GALNT17: variants seen among roughly 807,000 people sequenced by gnomAD.
The protein encoded by GALNT17 is UDP-GalNAc:polypeptide N-acetylgalactosaminyltransferase-like 3.
A neutral mutation model predicts 63.7 loss-of-function variants in GALNT17; 29 were observed. That is an observed-to-expected ratio of 0.46 (90% CI 0.34 to 0.62). The LOEUF (loss-of-function observed/expected upper bound fraction) is 0.62, where lower values mean the gene tolerates loss of function less well. Ranked by LOEUF, GALNT17 falls within the 20% of genes least tolerant of loss-of-function variation. The probability of loss-of-function intolerance (pLI) is 0.01; values close to 1 mark genes in which losing one functional copy is unlikely to be tolerated. For synonymous variants in GALNT17, 305 were observed against 318.3 expected (o/e 0.96, Z 0.45); for missense variants, 603 against 799.6 (o/e 0.75, Z 2.97).
intron 1 of GALNT17, among the ~76,000 whole-genome samples, chr7:71,279,170 G>C (rs796439869): frequency 6.6e-6 from 1 of 151,672 alleles, no homozygotes; most frequent in Non-Finnish European, 1.5e-5. Context: ...TGATCTGCCC[G>C]CCTTGGCCTC....
intron 7 of GALNT17, among the ~76,000 whole-genome samples, chr7:71,667,806 T>TC (rs1554321614): frequency 7.0e-5 from 2 of 28,410 alleles, no homozygotes; most frequent in Non-Finnish European, 1.3e-4. Flanking sequence ...TAAAGGGGAA[T>TC]TTTTTTTTTT....
At position 71,389,165 on chromosome 7, in the gene GALNT17, G is replaced by A. The variant is rs575184585; in HGVS notation, c.589+764G>A. On this transcript the variant is annotated intron_variant, in intron 3 of 10. Transcript: ENST00000333538. The stretch of plus-strand genomic sequence containing the variant: ...CTTTTTTTTTTTGAGATGGAGTCTC[G>A]CTCCATCACCCAGGCTGGAGTGCAG... 3.3e-5 allele frequency among the ~76,000 whole-genome samples: 5 copies of A among 151,280 alleles called. No homozygotes were observed. The South Asian group carries it at 6.3e-4, about 19-fold the overall frequency.
intron 2 of GALNT17, among the ~76,000 whole-genome samples, chr7:71,387,188 T>G (rs1792960681): frequency 6.7e-6 from 1 of 150,024 alleles, no homozygotes; most frequent in Non-Finnish European, 1.5e-5. Context: ...GTATTTGTAT[T>G]AGGTTGGTGC....
intron 5 of GALNT17, among the ~76,000 whole-genome samples, chr7:71,441,168 G>A (rs947713141): frequency 6.6e-6 from 1 of 151,860 alleles, no homozygotes; most frequent in African/African-American, 2.4e-5. Flanking sequence ...GACTATAGGC[G>A]CCCGCCACCA....
At chr7:71,504,329 A>G (rs1327144327) in intron 5 of GALNT17, among the ~76,000 whole-genome samples, 3 of 151,736 alleles carry the variant, frequency 2.0e-5, no homozygotes, top group Non-Finnish European at 1.5e-5. Context: ...TGGGTTGCGG[A>G]GGTTGCAGTG....
intron 5 of GALNT17, among the ~76,000 whole-genome samples, chr7:71,458,401 T>C (rs1030604260): frequency 6.6e-6 from 1 of 152,178 alleles, no homozygotes; most frequent in Non-Finnish European, 1.5e-5. Context: ...GCTTTTGGGC[T>C]GCAGCCCCAC....
chr7:71,524,686 G>A (rs1788595518), intron 5 of GALNT17, among the ~76,000 whole-genome samples: 1 of 152,140 alleles, frequency 6.6e-6, no homozygotes, highest in Admixed American at 6.5e-5. Flanking sequence ...ACTTACTGTA[G>A]GTCTCTGATT....
chr7:71,586,263 A>G (rs761485583), intron 6 of GALNT17, among the ~76,000 whole-genome samples: 9 of 152,336 alleles, frequency 5.9e-5, no homozygotes, highest in Middle Eastern at 3.4e-3. Context: ...CATAAATGGA[A>G]TCACATCTTA....
At chr7:71,493,676 C>T (rs2116679836) in intron 5 of GALNT17, among the ~76,000 whole-genome samples, 1 of 152,284 alleles carries the variant, frequency 6.6e-6, no homozygotes, top group African/African-American at 2.4e-5. Flanking sequence ...CCTCCCACAA[C>T]ATGTGAGAAT....
chr7:71,461,404 T>C (rs1787448081), intron 5 of GALNT17, among the ~76,000 whole-genome samples: 1 of 152,216 alleles, frequency 6.6e-6, no homozygotes, highest in South Asian at 2.1e-4. Context: ...TACTGTACTT[T>C]GTTCTCATTA....
intron 6 of GALNT17, among the ~76,000 whole-genome samples, chr7:71,628,821 A>G (rs1231809264): frequency 6.6e-6 from 1 of 151,982 alleles, no homozygotes; most frequent in Non-Finnish European, 1.5e-5. Flanking sequence ...AATCCCAGCT[A>G]CTCAGGAGGC....
At chr7:71,656,848 C>T (rs1276627171) in intron 6 of GALNT17, among the ~76,000 whole-genome samples, 1 of 152,072 alleles carries the variant, frequency 6.6e-6, no homozygotes. Flanking sequence ...TGACGGAGGT[C>T]GTGGGGAGAG....
At chr7:71,589,441 G>A (rs1584073262) in intron 6 of GALNT17, among the ~76,000 whole-genome samples, 3 of 152,072 alleles carry the variant, frequency 2.0e-5, no homozygotes, top group African/African-American at 7.2e-5. Flanking sequence ...GCATGGTGGT[G>A]TGCCCTTGTA....
intron 1 of GALNT17, among the ~76,000 whole-genome samples, chr7:71,289,803 G>C (rs1277623065): frequency 6.6e-6 from 1 of 151,888 alleles, no homozygotes; most frequent in Non-Finnish European, 1.5e-5. Context: ...TGCTTGAAAG[G>C]GGGAGGCGGA....
intron 1 of GALNT17, among the ~76,000 whole-genome samples, chr7:71,210,848 A>G (rs891823932): frequency 2.0e-5 from 3 of 152,224 alleles, no homozygotes; most frequent in Non-Finnish European, 4.4e-5. Flanking sequence ...GGTGATGGAC[A>G]TGTAGTACAT....
intron 6 of GALNT17, among the ~76,000 whole-genome samples, chr7:71,622,537 C>G (rs562491618): frequency 6.6e-6 from 1 of 152,100 alleles, no homozygotes; most frequent in East Asian, 1.9e-4. Context: ...TTGAATGCAT[C>G]AACTGTCTTG....
intron 1 of GALNT17, among the ~76,000 whole-genome samples, chr7:71,285,720 A>G (rs1018053915): frequency 6.6e-6 from 1 of 151,908 alleles, no homozygotes; most frequent in African/African-American, 2.4e-5. Flanking sequence ...GACAGTATCT[A>G]TGAACCAGGA....
At chr7:71,171,816 A>C (rs1788552060) in intron 1 of GALNT17, among the ~76,000 whole-genome samples, 1 of 152,244 alleles carries the variant, frequency 6.6e-6, no homozygotes, top group South Asian at 2.1e-4. Flanking sequence ...CGGTGATCAC[A>C]TTTGTAAAGA....
chr7:71,167,600 A>G (rs747115331), intron 1 of GALNT17, among the ~76,000 whole-genome samples: 40 of 152,048 alleles, frequency 2.6e-4, no homozygotes, highest in Non-Finnish European at 5.1e-4. Flanking sequence ...AAATTTTTCT[A>G]TTCATTCTTT....
Sources: gnomAD v4.1 joint callset for allele counts (sites outside exome capture counted in the v4.1 genomes callset) on GRCh38, gnomAD v4.1.1 for gene constraint, MANE v1.5 for transcripts, NCBI Gene and HGNC (gene_info 2026-07-23, HGNC 2026-07-21) for gene names.